NEK1: variants seen among roughly 807,000 people sequenced by gnomAD.
The protein encoded by NEK1 is serine/threonine-protein kinase Nek1.
Under a neutral mutation model 182.1 loss-of-function variants are expected in NEK1, and 137 were observed. The observed-to-expected ratio is 0.75, with a 90% confidence interval of 0.65 to 0.87. The LOEUF (loss-of-function observed/expected upper bound fraction) is 0.87. NEK1 is among the 40% of genes least tolerant of loss of function. The pLI, the probability that NEK1 is intolerant of heterozygous loss-of-function variation, is 0.00. For missense variants in NEK1, 1,391 were observed against 1,494.4 expected, an observed-to-expected ratio of 0.93 and a Z score of 1.14; for synonymous variants, 513 against 492.2, an observed-to-expected ratio of 1.04 and a Z score of -0.56.
At chr4:169,485,183 T>C (rs1748812833) in intron 23 of NEK1, among the ~76,000 whole-genome samples, 1 of 152,206 alleles carries the variant, frequency 6.6e-6, no homozygotes, top group African/African-American at 2.4e-5. Context: ...ATCAAATGCA[T>C]ACTGATCTCT....
At chr4:169,518,471 G>A (rs562855159) in intron 19 of NEK1, among the ~76,000 whole-genome samples, 209 of 125,998 alleles carry the variant, frequency 1.7e-3, no homozygotes, top group African/African-American at 6.8e-3. Context: ...TGGATTCATT[G>A]ATTTTTTGAA....
At chr4:169,494,464 A>G (rs919203885) in intron 23 of NEK1, among the ~76,000 whole-genome samples, 7 of 152,190 alleles carry the variant, frequency 4.6e-5, no homozygotes, top group Non-Finnish European at 8.8e-5. Flanking sequence ...TCCATGGTGT[A>G]TATGTGCCAC....
chr4:169,548,785 AC>A (rs971412526), intron 18 of NEK1, among the ~76,000 whole-genome samples: 7 of 152,110 alleles, frequency 4.6e-5, no homozygotes, highest in Admixed American at 3.3e-4. Context: ...AAAACCACCT[AC>A]TCAAGCCTCA....
chr4:169,420,563 G>A (rs747628761), intron 31 of NEK1, among the ~76,000 whole-genome samples: 4 of 151,972 alleles, frequency 2.6e-5, no homozygotes, highest in African/African-American at 7.3e-5. Context: ...GGAATTTTTC[G>A]GTCTATTATA....
intron 23 of NEK1, among the ~76,000 whole-genome samples, chr4:169,481,517 T>A (rs1222625049): frequency 2.0e-5 from 3 of 152,152 alleles, no homozygotes; most frequent in Non-Finnish European, 2.9e-5. Flanking sequence ...ACAACATGAA[T>A]CTCTTTGTAT....
intron 2 of NEK1, among the ~76,000 whole-genome samples, chr4:169,609,223 G>T (rs938159506): frequency 6.6e-6 from 1 of 152,100 alleles, no homozygotes; most frequent in Admixed American, 6.6e-5. Context: ...ACTGTACTGT[G>T]GGGGAATAGC....
intron 27 of NEK1, among the ~76,000 whole-genome samples, chr4:169,448,179 A>T (rs906443860): frequency 6.6e-6 from 1 of 152,060 alleles, no homozygotes; most frequent in Admixed American, 6.6e-5. Flanking sequence ...GTAAGCTGAG[A>T]TTGTGCCACT....
chr4:169,522,673 G>A (rs746917878), intron 19 of NEK1, among the ~76,000 whole-genome samples: 4 of 152,164 alleles, frequency 2.6e-5, no homozygotes, highest in Non-Finnish European at 2.9e-5. Context: ...CTGGGCTACC[G>A]GCTGTTGCTG....
intron 19 of NEK1, among the ~76,000 whole-genome samples, chr4:169,533,610 C>T (rs751978284): frequency 2.6e-5 from 4 of 151,954 alleles, no homozygotes; most frequent in African/African-American, 7.3e-5. Flanking sequence ...GACATGAAAA[C>T]GTAAATTTTT....
Position 169,508,244 on chromosome 4 carries a change from C to T in NEK1, c.1833+4G>A. 1 of 1,581,886 alleles carries T rather than the reference C, an allele frequency of 6.3e-7. No individual in the cohort carries two copies. The highest frequency in any genetic ancestry group is 8.6e-7 in the Non-Finnish European group (1 of 1,165,852). On this transcript the variant is annotated splice_donor_region_variant and intron_variant, in intron 21 of 35. Transcript: ENST00000507142. ...TTCTTCAAAAAAATAGCTTTTCAAC[C>T]TACCTTTTCACCACGAAGTTTGGCT... is the stretch of plus-strand genomic sequence containing the variant.
At chr4:169,420,943 ACTTGACTAAC>A (rs1735386902) in intron 31 of NEK1, among the ~76,000 whole-genome samples, 1 of 152,236 alleles carries the variant, frequency 6.6e-6, no homozygotes, top group African/African-American at 2.4e-5. Context: ...TAAAAACAAG[ACTTGACTAAC>A]ATGCTAACTG....
At chr4:169,444,610 T>C (rs1353492024) in intron 27 of NEK1, among the ~76,000 whole-genome samples, 1 of 152,136 alleles carries the variant, frequency 6.6e-6, no homozygotes, top group African/African-American at 2.4e-5. Context: ...CCCCTAGATA[T>C]ATAAAGCAAC....
intron 27 of NEK1, among the ~76,000 whole-genome samples, chr4:169,452,247 G>A (rs546107280): frequency 2.0e-5 from 3 of 152,264 alleles, no homozygotes; most frequent in East Asian, 3.9e-4. Flanking sequence ...GTACAAAGAG[G>A]AGCTGGTACC....
At chr4:169,454,707 A>T (rs1237816197) in intron 27 of NEK1, among the ~76,000 whole-genome samples, 1 of 152,254 alleles carries the variant, frequency 6.6e-6, no homozygotes, top group East Asian at 1.9e-4. Context: ...GTGGAGAAAT[A>T]GGAACGCTTT....
chr4:169,394,578 A>T (rs1419364946), intron 35 of NEK1, 55 bp from the exon 36 acceptor site: 14 of 1,079,870 alleles, frequency 1.3e-5, no homozygotes, highest in African/African-American at 6.6e-5. Flanking sequence ...TATCTACTTT[A>T]AAAAAAACCC....
intron 31 of NEK1, among the ~76,000 whole-genome samples, chr4:169,415,752 A>G (rs897352088): frequency 6.6e-6 from 1 of 152,212 alleles, no homozygotes; most frequent in Non-Finnish European, 1.5e-5. Flanking sequence ...ACAGTGATCA[A>G]CTAAGCCACT....
At position 169,448,045 on chromosome 4, in the gene NEK1, T is replaced by C. The variant is rs544136513; in HGVS notation, c.2588-9786A>G. On this transcript the variant is annotated intron_variant, in intron 27 of 35. Transcript: ENST00000507142. ...TGGGCAACAGGCAAAACCCTTTCTC[T>C]ACAAAAAAAAAATACAAAAAAATTT... 6.6e-5 allele frequency among the ~76,000 whole-genome samples: 10 copies of C among 150,936 alleles called. No individual in the cohort carries two copies. The South Asian group carries it at 2.1e-3, about 32-fold the overall frequency.
At chr4:169,434,428 G>A (rs1738021369) in intron 28 of NEK1, among the ~76,000 whole-genome samples, 1 of 151,916 alleles carries the variant, frequency 6.6e-6, no homozygotes, top group Non-Finnish European at 1.5e-5. Flanking sequence ...GGCCAGGCTG[G>A]TCTGAAACTC....
At chr4:169,534,166 T>G (rs1404428017) in intron 19 of NEK1, among the ~76,000 whole-genome samples, 1 of 151,900 alleles carries the variant, frequency 6.6e-6, no homozygotes, top group African/African-American at 2.4e-5. Flanking sequence ...TTTGCATCCA[T>G]AATGAAGTAA....
Sources: allele counts gnomAD v4.1 joint callset (sites outside exome capture counted in the v4.1 genomes callset), GRCh38; gene constraint gnomAD v4.1.1; transcripts MANE v1.5; gene names NCBI Gene and HGNC (gene_info 2026-07-23, HGNC 2026-07-21).